Variants in HVCN1 observed in about 807,000 individuals in gnomAD.
HVCN1 encodes the protein hydrogen voltage gated channel 1, also known as voltage-gated hydrogen channel 1.
In HVCN1, 14 loss-of-function variants were observed where a neutral mutation model predicts 29.2. That is an observed-to-expected ratio of 0.48 (90% CI 0.32 to 0.75). The LOEUF is 0.75. Ranked by LOEUF, HVCN1 falls within the 30% of genes least tolerant of loss-of-function variation. The pLI, the probability that HVCN1 is intolerant of heterozygous loss-of-function variation, is 0.04. For missense variants in HVCN1, 263 were observed against 341.8 expected (o/e 0.77, Z 1.82); for synonymous variants, 131 against 133.2 (o/e 0.98, Z 0.11).
chr12:110,649,804 C>T (rs1445839748), intron 7 of HVCN1, among the ~76,000 whole-genome samples: 4 of 151,942 alleles, frequency 2.6e-5, no homozygotes, highest in African/African-American at 9.7e-5. Flanking sequence ...GCATGAGCAG[C>T]GCTCTGCTGC....
intron 2 of HVCN1, among the ~76,000 whole-genome samples, chr12:110,697,950 G>A (rs1209879375): frequency 1.3e-5 from 2 of 152,048 alleles, no homozygotes; most frequent in African/African-American, 2.4e-5. Flanking sequence ...GTGTCTGGCC[G>A]TTAAGCATCT....
chr12:110,683,569 A>T (rs537345828), intron 2 of HVCN1, among the ~76,000 whole-genome samples: 1 of 152,332 alleles, frequency 6.6e-6, no homozygotes, highest in South Asian at 2.1e-4. Context: ...TGAATGGATC[A>T]ACAAAATGGG....
chr12:110,672,382 A>C (rs1184153774), intron 3 of HVCN1, among the ~76,000 whole-genome samples: 1 of 152,102 alleles, frequency 6.6e-6, no homozygotes, highest in African/African-American at 2.4e-5. Context: ...TAAACCGGAA[A>C]CCACCTCAAA....
chr12:110,683,263 A>C lies in HVCN1; in HGVS notation c.-18T>G. ...GTGGCCATGTCCCTGTTGCCTCTGGATCTGAAAAATAAAAAGACATTTGTC... is the reference window on the plus strand; with the variant it reads ...GTGGCCATGTCCCTGTTGCCTCTGGCTCTGAAAAATAAAAAGACATTTGTC... On this transcript the variant is annotated splice_region_variant and 5_prime_UTR_variant, in exon 3 of 8. Coordinates refer to ENST00000242607, the MANE Select transcript of HVCN1 (RefSeq NM_032369.4). The C allele has an allele frequency of 6.2e-7, 1 of 1,606,116 alleles. No individual in the cohort carries two copies. The highest frequency in any genetic ancestry group is 8.5e-7 in the Non-Finnish European group (1 of 1,177,600).
intron 2 of HVCN1, among the ~76,000 whole-genome samples, chr12:110,683,946 A>AAATAAAGT: frequency 6.6e-6 from 1 of 151,612 alleles, no homozygotes; most frequent in East Asian, 1.9e-4. Context: ...AAAGAGAGAG[A>AAATAAAGT]AATAAAGTAT....
At chr12:110,704,741 CTG>C (rs1170591246) in intron 1 of HVCN1, 1 of 152,224 alleles carries the variant, frequency 6.6e-6, no homozygotes, top group Non-Finnish European at 1.5e-5. Flanking sequence ...AGCACTGTCA[CTG>C]TAAATGAACA....
chr12:110,662,696 C>A (rs1345767072), intron 3 of HVCN1, among the ~76,000 whole-genome samples: 1 of 152,172 alleles, frequency 6.6e-6, no homozygotes, highest in Non-Finnish European at 1.5e-5. Flanking sequence ...CAGGTTGAGA[C>A]CTTGTCTCAA....
intron 3 of HVCN1, among the ~76,000 whole-genome samples, chr12:110,665,719 C>T (rs1412703549): frequency 6.6e-6 from 1 of 151,872 alleles, no homozygotes; most frequent in Non-Finnish European, 1.5e-5. Flanking sequence ...CAAAAAAGAT[C>T]CAGCTGGCTA....
chr12:110,655,818 C>T (rs1453829333), intron 4 of HVCN1, among the ~76,000 whole-genome samples: 2 of 151,900 alleles, frequency 1.3e-5, no homozygotes, highest in Non-Finnish European at 2.9e-5. Flanking sequence ...AATTCTCCCA[C>T]TTCAGCCTCC....
chr12:110,650,198 A>G lies in HVCN1; in HGVS notation c.726T>C (p.Ile242=). 6.2e-7 allele frequency: 1 copy of G among 1,613,272 alleles called. No homozygotes were observed. Among genetic ancestry groups the G allele is most frequent in the Non-Finnish European group, 8.5e-7 (1 of 1,179,300 alleles). ...CAGAGCAGCTGAACTCAAGGTGTTG[A>G]ATCTTGGCGGCCAATTGTACATTCA... ...KQMNVQLAAK[I]QHLEFSCSEK... is the part of the protein sequence containing the mutation. Residue 242 remains isoleucine, a synonymous_variant, in exon 7 of 8, where the codon ATT becomes ATC. Transcript: ENST00000242607.
intron 3 of HVCN1, among the ~76,000 whole-genome samples, chr12:110,665,071 A>G (rs893735836): frequency 6.6e-6 from 1 of 152,226 alleles, no homozygotes; most frequent in African/African-American, 2.4e-5. Context: ...AAGCTTAAAA[A>G]TAAGCCTTGA....
rs1267979023 is a variant in HVCN1 at position 110,682,994 on chromosome 12, T to C, written c.21+231A>G. ...AAAAAAAAACAAAAAAAACCGCACA[T>C]AGTTATTAACATACAGGGCTGGGAT... On this transcript the variant is annotated intron_variant, in intron 3 of 7. Transcript: ENST00000242607. The C allele has an allele frequency of 1.1e-5, 5 of 470,674 alleles. No individual in the cohort carries two copies. The East Asian group carries it at 1.7e-4, about 16-fold the overall frequency. 29.2% of individuals were successfully genotyped at this position (470,674 alleles called of 1,614,324 possible). A position where few individuals can be genotyped will look rare whatever the true frequency, so the allele number is the denominator to read the frequency against.
chr12:110,676,957 C>G lies in HVCN1; in HGVS notation c.21+6268G>C, dbSNP rs1034117429. 3.3e-5 allele frequency among the ~76,000 whole-genome samples: 5 copies of G among 152,024 alleles called. No individual in the cohort carries two copies. The highest frequency in any genetic ancestry group is 9.7e-5 in the African/African-American group (4 of 41,394). On this transcript the variant is annotated intron_variant, in intron 3 of 7. Coordinates refer to ENST00000242607, the MANE Select transcript of HVCN1 (RefSeq NM_032369.4). This position sits in a 1 kb window ranked among gnomAD's most constrained non-coding sequence, Gnocchi z 4.1. ...GGTGCAGTCACTCACACCTGTAATC[C>G]CAGCACTTTGGGAGGCTGAGGGGGA...
At chr12:110,655,968 G>A (rs2067978133) in intron 4 of HVCN1, among the ~76,000 whole-genome samples, 1 of 152,216 alleles carries the variant, frequency 6.6e-6, no homozygotes, top group Non-Finnish European at 1.5e-5. Context: ...GCCTCCCAAA[G>A]TGCTGGGATT....
chr12:110,678,245 C>T (rs906515979), intron 3 of HVCN1, among the ~76,000 whole-genome samples: 12 of 152,146 alleles, frequency 7.9e-5, no homozygotes, highest in African/African-American at 2.9e-4. Context: ...CCCTCATGAA[C>T]ACTGCCCAGC....
At chr12:110,698,392 G>A (rs2069525188) in intron 2 of HVCN1, among the ~76,000 whole-genome samples, 2 of 152,168 alleles carry the variant, frequency 1.3e-5, no homozygotes, top group South Asian at 4.1e-4. Flanking sequence ...AGTGAGCAGA[G>A]CCTTACACTC....
chr12:110,687,872 A>C (rs2069254155), intron 2 of HVCN1: 1 of 152,234 alleles, frequency 6.6e-6, no homozygotes, highest in Non-Finnish European at 1.5e-5. Context: ...GCCACAGAGC[A>C]GCTCTGGACC....
At chr12:110,649,895 G>A (rs2067714223) in intron 7 of HVCN1, among the ~76,000 whole-genome samples, 1 of 152,128 alleles carries the variant, frequency 6.6e-6, no homozygotes, top group South Asian at 2.1e-4. Context: ...GCTCAGGCTG[G>A]AGTGCAATGG....
At chr12:110,675,908 C>CAAT (rs1005038213) in intron 3 of HVCN1, among the ~76,000 whole-genome samples, 8 of 152,078 alleles carry the variant, frequency 5.3e-5, no homozygotes, top group South Asian at 2.1e-4. Flanking sequence ...GATTCTGTCT[C>CAAT]AATAATAATA....
Sources: gnomAD v4.1 joint callset for allele counts (sites outside exome capture counted in the v4.1 genomes callset) on GRCh38, gnomAD v4.1.1 for gene constraint, Gnocchi (gnomAD v3.1) non-coding constraint, MANE v1.5 for transcripts, NCBI Gene and HGNC (gene_info 2026-07-23, HGNC 2026-07-21) for gene names.